The following PLD5 variants were observed in gnomAD, a reference collection of about 807,000 sequenced individuals.
PLD5 encodes the protein inactive phospholipase D5.
Under a neutral mutation model 61.1 loss-of-function variants are expected in PLD5, and 36 were observed. The ratio of observed to expected loss-of-function variants is 0.59; its 90% CI spans 0.45 to 0.78. PLD5 has a LOEUF of 0.78. Among genes scored for constraint, PLD5 ranks in the 30% least tolerant of loss-of-function variants. The pLI, the probability that PLD5 is intolerant of heterozygous loss-of-function variation, is 0.00. For missense variants in PLD5, 515 were observed against 644.4 expected (o/e 0.80, Z 2.17); for synonymous variants, 243 against 242.8 (o/e 1.00, Z -0.01).
chr1:242,344,365 G>A (rs4559487), intron 2 of PLD5, among the ~76,000 whole-genome samples: 132,858 of 151,980 alleles, frequency 0.87, 58,555 homozygotes, highest in Non-Finnish European at 0.93. Context: ...GCAAAACACA[G>A]TTGATGGTGG....
intron 2 of PLD5, among the ~76,000 whole-genome samples, chr1:242,332,829 C>T (rs561984288): frequency 1.3e-5 from 2 of 152,298 alleles, no homozygotes; most frequent in South Asian, 4.1e-4. Context: ...ACAAAAACTG[C>T]TTACATTACT....
chr1:242,337,246 G>C (rs1260200916), intron 2 of PLD5, among the ~76,000 whole-genome samples: 2 of 13,924 alleles, frequency 1.4e-4, no homozygotes, highest in African/African-American at 2.4e-4. Context: ...TATTTTCATA[G>C]AAGTATAAAC....
chr1:242,119,297 T>A (rs1425071148), intron 6 of PLD5, among the ~76,000 whole-genome samples: 5 of 152,190 alleles, frequency 3.3e-5, no homozygotes, highest in Non-Finnish European at 7.3e-5. Flanking sequence ...ATATATATGT[T>A]CAAATATAAT....
intron 1 of PLD5, among the ~76,000 whole-genome samples, chr1:242,470,981 C>G (rs894973575): frequency 6.6e-6 from 1 of 152,152 alleles, no homozygotes; most frequent in African/African-American, 2.4e-5. Flanking sequence ...GTCTCTGGCA[C>G]GAAAAACACT....
At chr1:242,258,594 T>C (rs953125873) in intron 4 of PLD5, among the ~76,000 whole-genome samples, 2 of 152,226 alleles carry the variant, frequency 1.3e-5, no homozygotes, top group Non-Finnish European at 2.9e-5. Context: ...GTCACTGCAT[T>C]ATTCCTGGTG....
chr1:242,248,781 C>T (rs1429658222), intron 4 of PLD5, among the ~76,000 whole-genome samples: 2 of 152,094 alleles, frequency 1.3e-5, no homozygotes, highest in East Asian at 3.9e-4. Flanking sequence ...CCTTAATAAG[C>T]CTACAAAATT....
intron 5 of PLD5, among the ~76,000 whole-genome samples, chr1:242,194,669 C>CTAT (rs1558329066): frequency 1.5e-3 from 141 of 91,484 alleles, no homozygotes; most frequent in African/African-American, 5.0e-3. Flanking sequence ...TATCTATCTA[C>CTAT]CTATCTATGA....
At chr1:242,418,970 G>T (rs1221624359) in intron 1 of PLD5, among the ~76,000 whole-genome samples, 2 of 152,066 alleles carry the variant, frequency 1.3e-5, no homozygotes, top group East Asian at 1.9e-4. Context: ...TTAGTTCCCT[G>T]GCTGGAGCTA....
intron 1 of PLD5, among the ~76,000 whole-genome samples, chr1:242,401,170 G>A (rs1663910174): frequency 6.6e-6 from 1 of 152,028 alleles, no homozygotes; most frequent in Non-Finnish European, 1.5e-5. Context: ...CATGATCTTC[G>A]ATTCTTCTCT....
chr1:242,168,845 A>ATTTTTTTTTTTT (rs1574439363), intron 5 of PLD5, among the ~76,000 whole-genome samples: 1 of 29,246 alleles, frequency 3.4e-5, no homozygotes, highest in African/African-American at 1.8e-4. Flanking sequence ...TAATTAATGA[A>ATTTTTTTTTTTT]GTTTTTTTTT....
At chr1:242,193,645 G>A (rs1668423473) in intron 5 of PLD5, among the ~76,000 whole-genome samples, 1 of 152,182 alleles carries the variant, frequency 6.6e-6, no homozygotes, top group Admixed American at 6.5e-5. Flanking sequence ...CCATTCATTA[G>A]GGTGTCATCT....
intron 1 of PLD5, among the ~76,000 whole-genome samples, chr1:242,406,605 C>T (rs1664247042): frequency 6.6e-6 from 1 of 152,184 alleles, no homozygotes; most frequent in Non-Finnish European, 1.5e-5. Context: ...CTAGGAAAAC[C>T]TGGAAAAGTT....
At chr1:242,112,713 A>G (rs936816018) in intron 7 of PLD5, among the ~76,000 whole-genome samples, 4 of 152,172 alleles carry the variant, frequency 2.6e-5, no homozygotes, top group African/African-American at 9.7e-5. Context: ...AATAAAGGGC[A>G]CACTTAATCA....
chr1:242,263,857 T>C (rs1431775659), intron 4 of PLD5, among the ~76,000 whole-genome samples: 1 of 152,222 alleles, frequency 6.6e-6, no homozygotes, highest in Admixed American at 6.5e-5. Context: ...TAGCAAATAT[T>C]CAGCAACTCC....
At chr1:242,247,691 G>T (rs1430447190) in intron 4 of PLD5, among the ~76,000 whole-genome samples, 1 of 152,162 alleles carries the variant, frequency 6.6e-6, no homozygotes, top group Non-Finnish European at 1.5e-5. Flanking sequence ...GGGTCCCCTT[G>T]GCTAAGAGGG....
At chr1:242,470,321 G>C (rs1490046115) in intron 1 of PLD5, among the ~76,000 whole-genome samples, 1 of 150,334 alleles carries the variant, frequency 6.7e-6, no homozygotes, top group South Asian at 2.1e-4. Context: ...CAGCTTGGGC[G>C]ACAGAGCGAC....
chr1:242,177,793 C>T (rs143839287), intron 5 of PLD5: 1 of 152,218 alleles, frequency 6.6e-6, no homozygotes. Flanking sequence ...CAGGGGATTT[C>T]CACTGATCCT....
chr1:242,221,871 A>G (rs1402322487), intron 4 of PLD5, among the ~76,000 whole-genome samples: 1 of 152,198 alleles, frequency 6.6e-6, no homozygotes, highest in Admixed American at 6.5e-5. Flanking sequence ...ATTTGTCCTT[A>G]GATACGGGAT....
At chr1:242,198,038 C>G (rs548016164) in intron 5 of PLD5, among the ~76,000 whole-genome samples, 2 of 152,086 alleles carry the variant, frequency 1.3e-5, no homozygotes, top group East Asian at 1.9e-4. Flanking sequence ...CCAGTGGAGC[C>G]TGGTACAGAG....
Sources: allele counts gnomAD v4.1 joint callset (sites outside exome capture counted in the v4.1 genomes callset), GRCh38; gene constraint gnomAD v4.1.1; transcripts MANE v1.5; gene names NCBI Gene and HGNC (gene_info 2026-07-23, HGNC 2026-07-21).